NUDT16L1: variants seen among roughly 807,000 people sequenced by gnomAD.
NUDT16L1 encodes the protein nudix hydrolase 16 like 1.
In NUDT16L1, 19 loss-of-function variants were observed where a neutral mutation model predicts 17.3. That is an observed-to-expected ratio of 1.10 (90% CI 0.77 to 1.61). The LOEUF (loss-of-function observed/expected upper bound fraction) is 1.61, where lower values mean the gene tolerates loss of function less well. Ranked by LOEUF, NUDT16L1 falls within the 40% of genes most tolerant of loss-of-function variation. The probability of loss-of-function intolerance (pLI) is 0.00; values close to 1 mark genes in which losing one functional copy is unlikely to be tolerated. For missense variants in NUDT16L1, 341 were observed against 292.0 expected (o/e 1.17, Z -1.22); for synonymous variants, 255 against 138.6 (o/e 1.84, Z -5.90).
At chr16:4,695,322 A>G (rs1259857870) in exon 3 of NUDT16L1, 2 of 839,292 alleles carry the variant, frequency 2.4e-6, no homozygotes, top group African/African-American at 3.4e-5. Context: ...CACTGTCCCA[A>G]GCAGTCACTA....
chr16:4,693,871 T>G, exon 1 of NUDT16L1: 1 of 1,544,820 alleles, frequency 6.5e-7, no homozygotes, highest in East Asian at 2.6e-5. Context: ...CATGCGCTTC[T>G]CGGTGCTGGT....
chr16:4,694,414 G>A (rs867886614), intron 2 of NUDT16L1, 176 bp downstream of exon 2: 4 of 1,493,476 alleles, frequency 2.7e-6, no homozygotes, highest in Non-Finnish European at 3.6e-6. Flanking sequence ...GGAAAGGAGG[G>A]GCGGGGGTGG....
chr16:4,695,571 T>A, exon 3 of NUDT16L1: 1 of 450,684 alleles, frequency 2.2e-6, no homozygotes, highest in Non-Finnish European at 3.9e-6. Flanking sequence ...GGATGCCTTG[T>A]CTCGGTCAGC....
chr16:4,693,962 C>A lies in NUDT16L1; in HGVS notation c.154-16C>A, dbSNP rs752197332. The A allele has an allele frequency of 3.9e-6, 6 of 1,546,318 alleles. No homozygotes were observed. The highest frequency in any genetic ancestry group is 5.2e-6 in the Non-Finnish European group (6 of 1,155,136). On this transcript the variant is annotated splice_polypyrimidine_tract_variant and intron_variant, in intron 1 of 2. Coordinates refer to ENST00000304301, the Ensembl canonical transcript of NUDT16L1. ...CGTCCGTCGACCCCGCGGCTGTGAC[C>A]CGCGCTCCCTTGCAGATGCAGATGC...
chr16:4,694,523 G>C (rs1447189606), intron 2 of NUDT16L1: 1 of 1,485,050 alleles, frequency 6.7e-7, no homozygotes. Flanking sequence ...TGGGGAGGAA[G>C]GGATGGGGGA....
Position 4,695,182 on chromosome 16 carries a change from G to T in NUDT16L1, c.*3G>T, listed in dbSNP as rs780229301. The stretch of plus-strand genomic sequence containing the variant: ...AGTTGCTCCCGGCCTCCTCTTGAGG[G>T]CTGCCTGAGCTGGTGGCACCCTCCC... On this transcript the variant is annotated 3_prime_UTR_variant, in exon 3 of 3. Coordinates refer to ENST00000304301, the Ensembl canonical transcript of NUDT16L1. 2.5e-6 allele frequency: 4 copies of T among 1,610,924 alleles called. No homozygotes were observed. In the Admixed American group the frequency reaches 6.7e-5, roughly 27 times the overall value.
At chr16:4,693,617 C>A, upstream of NUDT16L1, 1 of 1,232,008 alleles carries the variant, frequency 8.1e-7, no homozygotes, top group Non-Finnish European at 1.0e-6. Flanking sequence ...CGGCGATTGG[C>A]GGGGGAACCG....
intron 2 of NUDT16L1, chr16:4,694,465 C>T: frequency 1.3e-6 from 2 of 1,524,780 alleles, no homozygotes; most frequent in Non-Finnish European, 1.8e-6. Context: ...GTTACATCCG[C>T]CTTGCTGCCT....
chr16:4,693,888 G>T lies in NUDT16L1; in HGVS notation c.153+9G>T, dbSNP rs200237673. On this transcript the variant is annotated intron_variant, in intron 1 of 2. Transcript: ENST00000304301. ...TGCGCTTCTCGGTGCTGGTGAGGAC[G>T]GGCGAGGGCGCGGGCGAGGGTGCCG... 5.0e-5 allele frequency: 75 copies of T among 1,502,708 alleles called. No individual in the cohort carries two copies. Among genetic ancestry groups the T allele is most frequent in the Middle Eastern group, 3.5e-4 (2 of 5,796 alleles). 93.1% of individuals were successfully genotyped at this position (1,502,708 alleles called of 1,614,324 possible).
chr16:4,695,535 C>T (rs1356461318), exon 3 of NUDT16L1: 1 of 473,374 alleles, frequency 2.1e-6, no homozygotes, highest in Non-Finnish European at 3.7e-6. Context: ...TCTGGGACCA[C>T]TCAGAAGATG....
exon 2 of NUDT16L1, chr16:4,694,055 CCTGAACCGGGTG>C: frequency 6.3e-7 from 1 of 1,588,050 alleles, no homozygotes; most frequent in Non-Finnish European, 8.5e-7. Context: ...TGGAGGACGG[CCTGAACCGGGTG>C]CTGGGCCTGG....
chr16:4,695,256 T>C, exon 3 of NUDT16L1: 5 of 1,450,434 alleles, frequency 3.4e-6, no homozygotes, highest in Non-Finnish European at 4.7e-6. Flanking sequence ...TCTAGAGTGT[T>C]TGTGTGTACC....
At chr16:4,693,603 G>C, upstream of NUDT16L1, 1 of 1,153,300 alleles carries the variant, frequency 8.7e-7, no homozygotes, top group Non-Finnish European at 1.1e-6. Flanking sequence ...GTCCCGGGGC[G>C]CGCCGGCGAT....
rs1365138853 is a variant in NUDT16L1 at position 4,693,764 on chromosome 16, G to A, written c.38G>A (p.Ser13Asn). The change falls in exon 1 of 3, where the codon AGC (serine) becomes AAC (asparagine). Residue 13 changes from serine (S) to asparagine (N), a missense_variant. Physicochemically the swap from Ser to Asn is conservative, Grantham distance 46. Coordinates refer to ENST00000304301, the Ensembl canonical transcript of NUDT16L1. Reference sequence around the variant, plus strand: ...GCGGTTCCGGAGCTGAAGCAGATCAGCCGGGTGGAGGCGATGCGCCTAGGG... The same window carrying A: ...GCGGTTCCGGAGCTGAAGCAGATCAACCGGGTGGAGGCGATGCGCCTAGGG... 4 of 1,561,612 alleles carry A rather than the reference G, an allele frequency of 2.6e-6. No homozygotes were observed. The highest frequency in any genetic ancestry group is 2.6e-6 in the Non-Finnish European group (3 of 1,158,332).
chr16:4,694,672 T>C, intron 2 of NUDT16L1: 3 of 1,386,540 alleles, frequency 2.2e-6, no homozygotes, highest in Middle Eastern at 1.9e-4. Context: ...TGTTCAGGCT[T>C]CGTTGGGTGG....
chr16:4,694,227 C>T, exon 2 of NUDT16L1: 1 of 1,507,060 alleles, frequency 6.6e-7, no homozygotes, highest in Non-Finnish European at 8.8e-7. Context: ...CTCGCGCGAC[C>T]ACGGCCTGGA....
intron 2 of NUDT16L1, chr16:4,694,553 G>A (rs748887526): frequency 1.4e-6 from 2 of 1,456,206 alleles, no homozygotes; most frequent in Non-Finnish European, 1.8e-6. Flanking sequence ...ATTGCTTGGG[G>A]AGTTGGGAAA....
At chr16:4,695,503 T>C (rs768646553) in exon 3 of NUDT16L1, 10 of 548,770 alleles carry the variant, frequency 1.8e-5, no homozygotes, top group Non-Finnish European at 3.2e-5. Flanking sequence ...TGCCTGATTG[T>C]CCCACAGGGG....
Position 4,694,950 on chromosome 16 carries a change from C to T in NUDT16L1, c.415-8C>T, listed in dbSNP as rs1036768024. On this transcript the variant is annotated splice_polypyrimidine_tract_variant and splice_region_variant and intron_variant, in intron 2 of 2. Transcript: ENST00000304301. ...CCTGGCCCCAACCCCTACCTCCTGT[C>T]TGCGCAGGTGCTGGGCCTCGTGCGG... is the stretch of plus-strand genomic sequence containing the variant. 6.2e-6 allele frequency: 10 copies of T among 1,603,280 alleles called. No homozygotes were observed. The highest frequency in any genetic ancestry group is 8.5e-6 in the Non-Finnish European group (10 of 1,178,046).
Sources: allele counts gnomAD v4.1 joint callset, GRCh38; gene constraint gnomAD v4.1.1; transcripts MANE v1.5; gene names NCBI Gene and HGNC (gene_info 2026-07-23, HGNC 2026-07-21).